The following DAB2IP variants were observed in gnomAD, a reference collection of about 807,000 sequenced individuals.
The protein encoded by DAB2IP is DAB2 interacting protein.
In DAB2IP, 28 loss-of-function variants were observed where a neutral mutation model predicts 107.2. The observed-to-expected ratio is 0.26, with a 90% CI of 0.19 to 0.36. The LOEUF is 0.36. Among genes scored for constraint, DAB2IP ranks in the 10% least tolerant of loss-of-function variants. DAB2IP has a pLI of 1.00. For synonymous variants in DAB2IP, 755 were observed against 706.4 expected (o/e 1.07, Z -1.09); for missense variants, 1,400 against 1,644.7 (o/e 0.85, Z 2.57).
intron 3 of DAB2IP, among the ~76,000 whole-genome samples, chr9:121,739,224 G>A (rs1189848272): frequency 1.3e-5 from 2 of 152,246 alleles, no homozygotes; most frequent in Admixed American, 6.5e-5. Context: ...TGCTGTTAGA[G>A]TGTGCTGGAG....
chr9:121,707,927 G>T (rs1228234223), intron 3 of DAB2IP, among the ~76,000 whole-genome samples: 1 of 151,942 alleles, frequency 6.6e-6, no homozygotes, highest in African/African-American at 2.4e-5. Flanking sequence ...ACCACATTTC[G>T]TCAGGAAACT....
At chr9:121,679,348 T>C (rs1325197236) in intron 2 of DAB2IP, among the ~76,000 whole-genome samples, 1 of 149,776 alleles carries the variant, frequency 6.7e-6, no homozygotes, top group South Asian at 2.1e-4. Context: ...CTAAACAACT[T>C]TATGGAAACA....
rs1329524275 is a variant in DAB2IP at position 121,701,256 on chromosome 9, A to G, written c.362+1798A>G. ...TACCTCCTTACAGCGGGAAGCCTGT[A>G]CCTAGAAGCCGGCAAGTGCTGGCTG... On this transcript the variant is annotated intron_variant, in intron 3 of 15. Coordinates refer to ENST00000408936, the Ensembl canonical transcript of DAB2IP. The surrounding 1 kb of genome is among the most constrained non-coding windows in gnomAD (Gnocchi z 4.7). Among the ~76,000 whole-genome samples the G allele has an allele frequency of 6.6e-6, 1 of 152,166 alleles. No homozygotes were observed. Among genetic ancestry groups the G allele is most frequent in the Non-Finnish European group, 1.5e-5 (1 of 68,028 alleles).
At chr9:121,759,376 C>T (rs1480590164) in intron 5 of DAB2IP, among the ~76,000 whole-genome samples, 1 of 152,166 alleles carries the variant, frequency 6.6e-6, no homozygotes, top group Non-Finnish European at 1.5e-5. Context: ...CAGGCTGGTG[C>T]CCTCTGTGTT....
intron 1 of DAB2IP, among the ~76,000 whole-genome samples, chr9:121,621,100 C>T (rs971569073): frequency 6.6e-6 from 1 of 152,104 alleles, no homozygotes; most frequent in African/African-American, 2.4e-5. Flanking sequence ...TCCCTTTTTC[C>T]TACCTGCAAG....
chr9:121,638,427 G>A (rs1425365518), intron 1 of DAB2IP, among the ~76,000 whole-genome samples: 2 of 152,170 alleles, frequency 1.3e-5, no homozygotes, highest in African/African-American at 2.4e-5. Flanking sequence ...ACCGAGAGAC[G>A]CCTGTATGGC....
rs148324000 is a variant in DAB2IP, at chr9:121,632,165, C to T, written c.41-46513C>T. ...TGTGGCCTCTGCGGGTTACTAGCTG[C>T]GTGGCCTCGGGCGTGTTTGTTACGC... On this transcript the variant is annotated intron_variant, in intron 1 of 16. Coordinates refer to the DAB2IP transcript ENST00000259371. Among the ~76,000 whole-genome samples, 158 of 152,296 alleles carry T rather than the reference C, an allele frequency of 1.0e-3. 2 individuals carry two copies. The highest frequency in any genetic ancestry group is 3.3e-3 in the African/African-American group (139 of 41,556).
At chr9:121,716,941 G>A (rs893214172) in intron 3 of DAB2IP, among the ~76,000 whole-genome samples, 2 of 152,150 alleles carry the variant, frequency 1.3e-5, no homozygotes, top group African/African-American at 4.8e-5. Flanking sequence ...GTAGTGAGTG[G>A]GAACTCTGTC....
At chr9:121,588,990 C>G (rs1830368662) in intron 1 of DAB2IP, among the ~76,000 whole-genome samples, 1 of 152,014 alleles carries the variant, frequency 6.6e-6, no homozygotes. Flanking sequence ...AAACCCAAGG[C>G]ATTCCCCTCC....
chr9:121,775,869 T>G (rs1174258874), intron 13 of DAB2IP, among the ~76,000 whole-genome samples: 1 of 151,854 alleles, frequency 6.6e-6, no homozygotes, highest in Admixed American at 6.6e-5. Flanking sequence ...TATCCAAGGG[T>G]TTTTTAACCT....
At chr9:121,775,763 A>G (rs1835157966) in intron 13 of DAB2IP, among the ~76,000 whole-genome samples, 3 of 152,322 alleles carry the variant, frequency 2.0e-5, no homozygotes, top group South Asian at 4.1e-4. Context: ...CCTGCTAGTC[A>G]GTCGCTCTTC....
intron 3 of DAB2IP, among the ~76,000 whole-genome samples, chr9:121,715,256 A>G (rs1036832487): frequency 1.3e-5 from 2 of 152,170 alleles, no homozygotes; most frequent in Non-Finnish European, 2.9e-5. Context: ...GGGAACCCTC[A>G]ACAGCCACAG....
intron 1 of DAB2IP, among the ~76,000 whole-genome samples, chr9:121,612,198 G>A (rs1234697810): frequency 6.6e-6 from 1 of 151,868 alleles, no homozygotes; most frequent in Non-Finnish European, 1.5e-5. Flanking sequence ...TGTGCCTGTA[G>A]TCCCAGCTAC....
chr9:121,765,389 C>T (rs543763228), intron 8 of DAB2IP, among the ~76,000 whole-genome samples: 23 of 152,374 alleles, frequency 1.5e-4, no homozygotes, highest in South Asian at 8.3e-4. Context: ...GTGAGAGCCA[C>T]GGCTAAAGGT....
At chr9:121,757,128 G>A (rs781780636) in exon 4 of DAB2IP, 17 of 1,614,064 alleles carry the variant, frequency 1.1e-5, no homozygotes, top group African/African-American at 1.3e-5. Flanking sequence ...CATCAAGCCC[G>A]TGCACAGCAG....
In DAB2IP at chr9:121,757,100, C is replaced by T. The variant is rs1395168847; in HGVS notation, c.450C>T (p.Ser150=). 3.1e-6 allele frequency: 5 copies of T among 1,614,068 alleles called. No homozygotes were observed. In the South Asian group the frequency reaches 5.5e-5, roughly 18 times the overall value. Residue 150 remains serine (S), a synonymous_variant, in exon 4 of 16, where the codon AGC becomes AGT. Coordinates refer to ENST00000408936, the Ensembl canonical transcript of DAB2IP. ...GTGCGGTGGAGGCGCTGGACCTCAGCATGGAGGAAGAGGTGGTCATCAAGC... is the reference window on the plus strand; with the variant it reads ...GTGCGGTGGAGGCGCTGGACCTCAGTATGGAGGAAGAGGTGGTCATCAAGC...
intron 1 of DAB2IP, among the ~76,000 whole-genome samples, chr9:121,606,583 C>T (rs540773852): frequency 5.3e-5 from 8 of 152,218 alleles, no homozygotes; most frequent in African/African-American, 1.9e-4. Context: ...TGCTCACGGG[C>T]AGGGCTCAGA....
intron 1 of DAB2IP, among the ~76,000 whole-genome samples, chr9:121,603,948 T>C (rs529068691): frequency 3.9e-4 from 59 of 151,920 alleles, no homozygotes; most frequent in Non-Finnish European, 7.7e-4. Context: ...AAGGCTCTTA[T>C]GGGAATGGTG....
intron 1 of DAB2IP, among the ~76,000 whole-genome samples, chr9:121,661,817 A>G (rs566655462): frequency 6.6e-5 from 10 of 152,266 alleles, no homozygotes; most frequent in African/African-American, 2.4e-4. Context: ...CCCCATCTCT[A>G]CAGAAAATTT....
Sources: allele counts gnomAD v4.1 joint callset (sites outside exome capture counted in the v4.1 genomes callset), GRCh38; gene constraint gnomAD v4.1.1; non-coding constraint Gnocchi (gnomAD v3.1); transcripts MANE v1.5; gene names NCBI Gene and HGNC (gene_info 2026-07-23, HGNC 2026-07-21).